EPB41L1: variants seen among roughly 807,000 people sequenced by gnomAD.
EPB41L1 encodes the protein band 4.1-like protein 1.
A neutral mutation model predicts 97.8 loss-of-function variants in EPB41L1; 29 were observed. The observed-to-expected ratio is 0.30, with a 90% confidence interval of 0.22 to 0.40. EPB41L1 has a LOEUF of 0.40. Among genes scored for constraint, EPB41L1 ranks in the 10% least tolerant of loss-of-function variants. The pLI is 1.00. For missense variants in EPB41L1, 812 were observed against 1,162.3 expected (o/e 0.70, Z 4.38); for synonymous variants, 383 against 459.2 (o/e 0.83, Z 2.12).
At chr20:36,107,518 T>G (rs911688819) in intron 1 of EPB41L1, among the ~76,000 whole-genome samples, 1 of 88,654 alleles carries the variant, frequency 1.1e-5, no homozygotes, top group African/African-American at 4.9e-5. Context: ...CGTGCCCGGC[T>G]TTTTTTTTTT....
At chr20:36,133,792 G>T (rs1434906108) in intron 2 of EPB41L1, among the ~76,000 whole-genome samples, 1 of 151,450 alleles carries the variant, frequency 6.6e-6, no homozygotes, top group African/African-American at 2.4e-5. Context: ...AGGAGGTTGA[G>T]GCTTGCAGTG....
At position 36,154,896 on chromosome 20, in the gene EPB41L1, G is replaced by A; in HGVS notation, c.-15G>A. The A allele has an allele frequency of 9.6e-7, 1 of 1,041,466 alleles. No individual in the cohort carries two copies. Among genetic ancestry groups the A allele is most frequent in the Non-Finnish European group, 1.2e-6 (1 of 862,924 alleles). The allele number at this position is 1,041,466 out of a possible 1,614,324, so 64.5% of individuals were successfully genotyped here. A position where few individuals can be genotyped will look rare whatever the true frequency, so the allele number is the denominator to read the frequency against. On this transcript the variant is annotated splice_region_variant and 5_prime_UTR_variant, in exon 1 of 22. Coordinates refer to ENST00000338074, the MANE Select transcript of EPB41L1 (RefSeq NM_012156.2). The surrounding 1 kb of genome is among the most constrained non-coding windows in gnomAD (Gnocchi z 5.5). ...CCCGACATGGGGAACCCCGGGCCCA[G>A]GTAGGCACATGGGGGAATCAGGTGG...
intron 21 of EPB41L1, among the ~76,000 whole-genome samples, chr20:36,223,188 G>A (rs570813484): frequency 3.8e-4 from 58 of 151,970 alleles, no homozygotes; most frequent in Middle Eastern, 3.4e-3. Flanking sequence ...GTGAGCCACC[G>A]CACCCAGCCT....
chr20:36,154,575 C>G (rs1313188331), upstream of EPB41L1, among the ~76,000 whole-genome samples: 1 of 134,310 alleles, frequency 7.4e-6, no homozygotes, highest in Non-Finnish European at 1.6e-5. The surrounding 1 kb of genome is among the most constrained non-coding windows in gnomAD (Gnocchi z 5.5). Context: ...GGCAGGGCCG[C>G]GGCGCGCTGG....
At chr20:36,100,631 G>A (rs1268170240) in intron 1 of EPB41L1, among the ~76,000 whole-genome samples, 1 of 152,186 alleles carries the variant, frequency 6.6e-6, no homozygotes, top group Non-Finnish European at 1.5e-5. Flanking sequence ...CAAGGCCTAC[G>A]CAGTCCTCAG....
chr20:36,118,798 T>G (rs2058664207), intron 2 of EPB41L1, among the ~76,000 whole-genome samples: 1 of 152,252 alleles, frequency 6.6e-6, no homozygotes, highest in Non-Finnish European at 1.5e-5. Context: ...TTAAAAATTT[T>G]GTTTTGATAT....
intron 2 of EPB41L1, among the ~76,000 whole-genome samples, chr20:36,141,370 G>A (rs1288722793): frequency 5.3e-5 from 8 of 152,156 alleles, no homozygotes; most frequent in Admixed American, 2.6e-4. Context: ...TGTCAGATGA[G>A]GGAATGGGAC....
chr20:36,109,476 T>C (rs1179348809), intron 1 of EPB41L1, among the ~76,000 whole-genome samples: 1 of 152,246 alleles, frequency 6.6e-6, no homozygotes, highest in Non-Finnish European at 1.5e-5. Flanking sequence ...TGCTGTGTGG[T>C]GATTGCTACT....
chr20:36,166,483 C>G (rs1298626822), intron 1 of EPB41L1, among the ~76,000 whole-genome samples: 1 of 152,108 alleles, frequency 6.6e-6, no homozygotes, highest in African/African-American at 2.4e-5. Context: ...GGGATAATGG[C>G]TAACCAGACA....
Position 36,207,790 on chromosome 20 carries a change from C to A in EPB41L1, c.1669-1698C>A. 1 of 1,284,860 alleles carries A rather than the reference C, an allele frequency of 7.8e-7. No homozygotes were observed. Among genetic ancestry groups the A allele is most frequent in the Non-Finnish European group, 1.0e-6 (1 of 985,646 alleles). 79.6% of individuals were successfully genotyped at this position (1,284,860 alleles called of 1,614,324 possible). On this transcript the variant is annotated intron_variant, in intron 14 of 21. Coordinates refer to ENST00000338074, the MANE Select transcript of EPB41L1 (RefSeq NM_012156.2). The surrounding 1 kb of genome is among the most constrained non-coding windows in gnomAD (Gnocchi z 4.9). ...AGCTACTGGAACTGGGGTAACTGGCCGCGTGAGCCCCCGCCCCCACCGCTG... is the reference window on the plus strand; with the variant it reads ...AGCTACTGGAACTGGGGTAACTGGCAGCGTGAGCCCCCGCCCCCACCGCTG...
At chr20:36,194,427 G>A (rs1030552646) in intron 12 of EPB41L1, 67 bp downstream of exon 12, 12 of 1,541,936 alleles carry the variant, frequency 7.8e-6, no homozygotes, top group Middle Eastern at 1.7e-4. Context: ...GTCTAGCCTC[G>A]GCCTTGACCT....
rs374939931 is a variant in EPB41L1, at chr20:36,204,653, C to G, written c.1669-4835C>G. ...GTGTGAGCCACCGCGCCTGGCCTTT[C>G]TTTTTTTTAGACGGAGTCTCGCTCT... On this transcript the variant is annotated intron_variant, in intron 14 of 21. Transcript: ENST00000338074. Among the ~76,000 whole-genome samples, 125 of 136,358 alleles carry G rather than the reference C, an allele frequency of 9.2e-4. 4 individuals are homozygous for G. The South Asian group carries it at 0.03, about 33-fold the overall frequency. 89.5% of individuals were successfully genotyped at this position (136,358 alleles called of 152,430 possible). A position where few individuals can be genotyped will look rare whatever the true frequency, so the allele number is the denominator to read the frequency against.
At position 36,177,908 on chromosome 20, in the gene EPB41L1, C is replaced by T. The variant is rs572948412; in HGVS notation, c.343-44C>T. On this transcript the variant is annotated intron_variant, in intron 3 of 21. Coordinates refer to ENST00000338074, the MANE Select transcript of EPB41L1 (RefSeq NM_012156.2). ...CCCAGGGTATCTCCCAGCCTCGCCC[C>T]GGGGTGTGCTTCAGCCTCATAGCTG... is the stretch of plus-strand genomic sequence containing the variant. 8.1e-5 allele frequency: 122 copies of T among 1,511,908 alleles called. No homozygotes were observed. The South Asian group carries it at 1.3e-3, about 16-fold the overall frequency. The allele number at this position is 1,511,908 out of a possible 1,614,324, so 93.7% of individuals were successfully genotyped here.
chr20:36,229,353 G>C lies in EPB41L1; in HGVS notation c.*13G>C. 1.2e-6 allele frequency: 2 copies of C among 1,610,388 alleles called. No individual in the cohort carries two copies. The highest frequency in any genetic ancestry group is 1.7e-6 in the Non-Finnish European group (2 of 1,179,246). On this transcript the variant is annotated 3_prime_UTR_variant, in exon 22 of 22. Transcript: ENST00000338074. Reference sequence around the variant, plus strand: ...CCAGGAATCCTGACCTCTGTGAAGAGATCCTGGCATTTCTGGTCCAACCCA... The same window carrying C: ...CCAGGAATCCTGACCTCTGTGAAGACATCCTGGCATTTCTGGTCCAACCCA...
Position 36,229,609 on chromosome 20 carries a change from C to T in EPB41L1, c.*269C>T, listed in dbSNP as rs2064396821. ...AACCGACATCTGAACACCTACATTT[C>T]CTTTGCAGACAAATTGAAGAACTGG... On this transcript the variant is annotated 3_prime_UTR_variant, in exon 22 of 22. Coordinates refer to ENST00000338074, the MANE Select transcript of EPB41L1 (RefSeq NM_012156.2). 2 of 347,676 alleles carry T rather than the reference C, an allele frequency of 5.8e-6. No individual in the cohort carries two copies. Among genetic ancestry groups the T allele is most frequent in the African/African-American group, 4.2e-5 (2 of 47,364 alleles). 21.5% of individuals were successfully genotyped at this position (347,676 alleles called of 1,614,324 possible).
intron 6 of EPB41L1, among the ~76,000 whole-genome samples, chr20:36,183,055 CA>C (rs2061534658): frequency 1.3e-5 from 2 of 152,292 alleles, no homozygotes; most frequent in South Asian, 4.1e-4. Flanking sequence ...GAAATGAGTG[CA>C]AAGCATCCTT....
intron 21 of EPB41L1, among the ~76,000 whole-genome samples, chr20:36,225,028 G>T (rs1229513087): frequency 6.6e-6 from 1 of 152,200 alleles, no homozygotes; most frequent in Non-Finnish European, 1.5e-5. Flanking sequence ...CACCATATTT[G>T]CCATGCTGGC....
At chr20:36,181,160 G>A (rs1311446220) in intron 5 of EPB41L1, among the ~76,000 whole-genome samples, 2 of 152,150 alleles carry the variant, frequency 1.3e-5, no homozygotes, top group Non-Finnish European at 2.9e-5. Context: ...GGCCTCCAGT[G>A]GTCCATGACC....
intron 1 of EPB41L1, among the ~76,000 whole-genome samples, chr20:36,162,590 G>C (rs778037995): frequency 6.6e-6 from 1 of 152,198 alleles, no homozygotes; most frequent in Non-Finnish European, 1.5e-5. Flanking sequence ...AGCTCTCGGA[G>C]GATACCCTGC....
Sources: gnomAD v4.1 joint callset for allele counts (sites outside exome capture counted in the v4.1 genomes callset) on GRCh38, gnomAD v4.1.1 for gene constraint, Gnocchi (gnomAD v3.1) non-coding constraint, MANE v1.5 for transcripts, NCBI Gene and HGNC (gene_info 2026-07-23, HGNC 2026-07-21) for gene names.